The following STARD3NL variants were observed in gnomAD, a reference collection of about 807,000 sequenced individuals.
The protein encoded by STARD3NL is STARD3 N-terminal-like protein.
Under a neutral mutation model 30.9 loss-of-function variants are expected in STARD3NL, and 17 were observed. The observed-to-expected ratio is 0.55, with a 90% CI of 0.38 to 0.82. The LOEUF (loss-of-function observed/expected upper bound fraction) is 0.82, where lower values mean the gene tolerates loss of function less well. Among genes scored for constraint, STARD3NL ranks in the 40% least tolerant of loss-of-function variants. The pLI is 0.00. For missense variants in STARD3NL, 234 were observed against 277.6 expected (o/e 0.84, Z 1.12); for synonymous variants, 112 against 100.5 (o/e 1.11, Z -0.69).
chr7:38,199,166 T>C (rs538992356), intron 1 of STARD3NL, among the ~76,000 whole-genome samples: 1 of 152,354 alleles, frequency 6.6e-6, no homozygotes, highest in South Asian at 2.1e-4. Flanking sequence ...TTGGGATAAA[T>C]TCTGAATTGC....
At chr7:38,229,848 A>G (rs961408446) in intron 8 of STARD3NL, 75 bp from the exon 9 acceptor site, 1 of 150,496 alleles carries the variant, frequency 6.6e-6, no homozygotes, top group South Asian at 2.1e-4. Flanking sequence ...ACTTTTATGT[A>G]CATGTAAGGT....
At chr7:38,191,892 T>TTGTATACAAGA (rs1784701102) in intron 1 of STARD3NL, among the ~76,000 whole-genome samples, 1 of 146,396 alleles carries the variant, frequency 6.8e-6, no homozygotes, top group Non-Finnish European at 1.5e-5. Flanking sequence ...ATTTTAGAAT[T>TTGTATACAAGA]AGCTTGTCAG....
intron 2 of STARD3NL, among the ~76,000 whole-genome samples, chr7:38,209,507 A>G (rs1014316398): frequency 1.3e-5 from 2 of 152,112 alleles, no homozygotes; most frequent in South Asian, 2.1e-4. Flanking sequence ...ACTGTTCTCT[A>G]TCTCCTGACT....
chr7:38,213,873 G>T (rs531585192), intron 2 of STARD3NL, among the ~76,000 whole-genome samples: 30 of 152,234 alleles, frequency 2.0e-4, no homozygotes, highest in African/African-American at 7.0e-4. Context: ...ATAAAAATGA[G>T]AAACCACAGA....
chr7:38,192,740 A>T (rs868414299), intron 1 of STARD3NL, among the ~76,000 whole-genome samples: 1 of 152,270 alleles, frequency 6.6e-6, no homozygotes, highest in Middle Eastern at 3.4e-3. Context: ...GTGCTTTTTT[A>T]AAAAAATGAA....
chr7:38,183,693 A>G (rs1784336892), intron 1 of STARD3NL, among the ~76,000 whole-genome samples: 1 of 152,270 alleles, frequency 6.6e-6, no homozygotes, highest in African/African-American at 2.4e-5. Flanking sequence ...TTAACTGGAG[A>G]TTAAATATTC....
intron 7 of STARD3NL, among the ~76,000 whole-genome samples, chr7:38,220,856 C>G (rs912998427): frequency 2.6e-5 from 4 of 152,174 alleles, no homozygotes; most frequent in Admixed American, 2.6e-4. Flanking sequence ...ATAATCCCAG[C>G]ACTTTGGGAG....
chr7:38,209,370 C>T (rs980353464), intron 2 of STARD3NL, among the ~76,000 whole-genome samples: 1 of 151,946 alleles, frequency 6.6e-6, no homozygotes, highest in Non-Finnish European at 1.5e-5. Context: ...GCAACTGCCA[C>T]CTCCTGGGTT....
At chr7:38,216,678 G>T in intron 4 of STARD3NL, 1 of 251,290 alleles carries the variant, frequency 4.0e-6, no homozygotes, top group Non-Finnish European at 7.7e-6. Flanking sequence ...ACAACCCCTG[G>T]CGAGAGCCCT....
At position 38,208,057 on chromosome 7, in the gene STARD3NL, G is replaced by A. The variant is rs114743570; in HGVS notation, c.225+328G>A. Among the ~76,000 whole-genome samples the A allele has an allele frequency of 3.0e-3, 454 of 152,276 alleles. 4 individuals are homozygous for A. The highest frequency in any genetic ancestry group is 0.01 in the African/African-American group (425 of 41,560). Reference sequence around the variant, plus strand: ...TAAAGTTTTATTGGAACGTGGCCAGGCCTGTCTGTTTACATATTGTTTATG... The same window carrying A: ...TAAAGTTTTATTGGAACGTGGCCAGACCTGTCTGTTTACATATTGTTTATG... On this transcript the variant is annotated intron_variant, in intron 2 of 8. Coordinates refer to ENST00000009041, the MANE Select transcript of STARD3NL (RefSeq NM_032016.4).
In STARD3NL at chr7:38,210,837, A is replaced by G. The variant is rs555401232; in HGVS notation, c.225+3108A>G. Among the ~76,000 whole-genome samples, 5 of 152,266 alleles carry G rather than the reference A, an allele frequency of 3.3e-5. 1 individual carries two copies. The South Asian group carries it at 8.3e-4, about 25-fold the overall frequency. ...AATGCTTAGTGACTTTTTTCTTACT[A>G]TTTTCTAACTGGCGTTCTAGAAAAT... On this transcript the variant is annotated intron_variant, in intron 2 of 8. Coordinates refer to ENST00000009041, the MANE Select transcript of STARD3NL (RefSeq NM_032016.4).
intron 6 of STARD3NL, among the ~76,000 whole-genome samples, chr7:38,217,757 A>G (rs374881362): frequency 2.0e-5 from 3 of 152,314 alleles, no homozygotes; most frequent in South Asian, 4.1e-4. Context: ...GTGATTCTCC[A>G]AAGTCTCCCA....
intron 1 of STARD3NL, among the ~76,000 whole-genome samples, chr7:38,194,805 A>G (rs1784834971): frequency 1.3e-5 from 2 of 152,138 alleles, no homozygotes; most frequent in East Asian, 1.9e-4. Flanking sequence ...CCTCCTCAAC[A>G]TAGTATATAG....
At chr7:38,199,668 C>T (rs140719255) in intron 1 of STARD3NL, among the ~76,000 whole-genome samples, 2 of 152,290 alleles carry the variant, frequency 1.3e-5, no homozygotes, top group East Asian at 3.9e-4. Context: ...TCTGAAGGAA[C>T]TCACCCTGTA....
intron 1 of STARD3NL, among the ~76,000 whole-genome samples, chr7:38,198,975 G>T (rs1785051433): frequency 6.6e-6 from 1 of 152,202 alleles, no homozygotes; most frequent in Admixed American, 6.5e-5. Context: ...TTAGTGATTT[G>T]TTAATGTAGC....
chr7:38,227,182 T>C (rs1382531499), intron 7 of STARD3NL, among the ~76,000 whole-genome samples: 1 of 152,208 alleles, frequency 6.6e-6, no homozygotes, highest in African/African-American at 2.4e-5. Context: ...TTTAGCTTTA[T>C]TTAGGACTCC....
At chr7:38,214,112 A>C (rs903648500) in intron 2 of STARD3NL, among the ~76,000 whole-genome samples, 2 of 152,280 alleles carry the variant, frequency 1.3e-5, no homozygotes, top group African/African-American at 4.8e-5. Context: ...TTTCCCAACT[A>C]TGAACTACAG....
rs1784669787 is a variant in STARD3NL, at chr7:38,191,128, A to G, written c.-59+12708A>G. ...TATCATATCCCCCAACAACCTTTTA[A>G]TAATTGCCAGCATCCATAATGGTCC... On this transcript the variant is annotated intron_variant, in intron 1 of 8. Transcript: ENST00000009041. Among the ~76,000 whole-genome samples, 3 of 152,320 alleles carry G rather than the reference A, an allele frequency of 2.0e-5. No individual in the cohort carries two copies. The South Asian group carries it at 6.2e-4, about 32-fold the overall frequency.
intron 2 of STARD3NL, among the ~76,000 whole-genome samples, chr7:38,208,243 A>G (rs1785602545): frequency 6.6e-6 from 1 of 152,200 alleles, no homozygotes; most frequent in Non-Finnish European, 1.5e-5. Flanking sequence ...TAGATGTTTC[A>G]TGTACTTTTC....
Sources: allele counts gnomAD v4.1 joint callset (sites outside exome capture counted in the v4.1 genomes callset), GRCh38; gene constraint gnomAD v4.1.1; transcripts MANE v1.5; gene names NCBI Gene and HGNC (gene_info 2026-07-23, HGNC 2026-07-21).